The following HIRA variants were observed in gnomAD, a reference collection of about 807,000 sequenced individuals.
The protein encoded by HIRA is protein HIRA.
In HIRA, 13 loss-of-function variants were observed where a neutral mutation model predicts 126.6. The ratio of observed to expected loss-of-function variants is 0.10; its 90% CI spans 0.07 to 0.16. The LOEUF is 0.16. Among genes scored for constraint, HIRA ranks in the 10% least tolerant of loss-of-function variants. The pLI, the probability that HIRA is intolerant of heterozygous loss-of-function variation, is 1.00. For synonymous variants in HIRA, 511 were observed against 520.0 expected (o/e 0.98, Z 0.24); for missense variants, 834 against 1,314.4 (o/e 0.63, Z 5.65).
intron 1 of HIRA, among the ~76,000 whole-genome samples, chr22:19,420,493 C>CA (rs2089437553): frequency 7.6e-6 from 1 of 130,970 alleles, no homozygotes; most frequent in African/African-American, 3.1e-5. Flanking sequence ...CAAACCAAAA[C>CA]AAAAAACAAA....
At chr22:19,371,138 T>C (rs1007494838) in intron 15 of HIRA, among the ~76,000 whole-genome samples, 6 of 152,222 alleles carry the variant, frequency 3.9e-5, no homozygotes, top group African/African-American at 4.8e-5. Flanking sequence ...GAATTCATTT[T>C]ATTTATTTTG....
intron 5 of HIRA, among the ~76,000 whole-genome samples, chr22:19,403,107 AAAAAAAAAAAAG>A (rs1169575310): frequency 6.6e-6 from 1 of 151,694 alleles, no homozygotes; most frequent in Non-Finnish European, 1.5e-5. Flanking sequence ...GTCTCAAAAA[AAAAAAAAAAAAG>A]AAAAAGAAAA....
intron 12 of HIRA, among the ~76,000 whole-genome samples, chr22:19,384,357 C>A (rs193221055): frequency 6.7e-6 from 1 of 148,936 alleles, no homozygotes; most frequent in Non-Finnish European, 1.5e-5. Context: ...AGATATCATG[C>A]GGTATTTGTC....
chr22:19,384,102 A>G (rs5748169), intron 12 of HIRA, among the ~76,000 whole-genome samples: 23,807 of 151,882 alleles, frequency 0.16, 3,949 homozygotes, highest in African/African-American at 0.42. Flanking sequence ...GACAGATCAC[A>G]AGGTCAGGAG....
chr22:19,400,376 T>G (rs143130205), intron 5 of HIRA, among the ~76,000 whole-genome samples: 1 of 152,224 alleles, frequency 6.6e-6, no homozygotes, highest in Admixed American at 6.5e-5. Context: ...CTATGCTCCA[T>G]GTGAGGAAGA....
intron 24 of HIRA, among the ~76,000 whole-genome samples, chr22:19,335,836 A>C (rs1302470119): frequency 2.0e-5 from 3 of 152,154 alleles, no homozygotes; most frequent in Non-Finnish European, 4.4e-5. Context: ...GCTCCATATA[A>C]ATTGTTGAAT....
intron 13 of HIRA, among the ~76,000 whole-genome samples, chr22:19,382,865 G>C (rs1033301670): frequency 6.6e-6 from 1 of 150,774 alleles, no homozygotes; most frequent in African/African-American, 2.4e-5. Context: ...ACAACAGCAA[G>C]TGGTGAATGA....
rs781878303 is a variant in HIRA, at chr22:19,353,533, G to C, written c.2685-14C>G. On this transcript the variant is annotated splice_polypyrimidine_tract_variant and intron_variant, in intron 22 of 24. Coordinates refer to ENST00000263208, the MANE Select transcript of HIRA (RefSeq NM_003325.4). ...TGCCTTCCCGAGCTGCAGAGACCAG[G>C]AGAGTTTCCATGATGGGGCAGCAGG... 1.9e-6 allele frequency: 3 copies of C among 1,589,326 alleles called. No homozygotes were observed. The highest frequency in any genetic ancestry group is 2.6e-6 in the Non-Finnish European group (3 of 1,168,596).
chr22:19,340,095 T>C (rs1240286882), intron 24 of HIRA, among the ~76,000 whole-genome samples: 2 of 152,140 alleles, frequency 1.3e-5, no homozygotes, highest in Non-Finnish European at 2.9e-5. Flanking sequence ...CCAATATCCC[T>C]GGTGAACATA....
chr22:19,384,176 G>A (rs1396153005), intron 12 of HIRA, among the ~76,000 whole-genome samples: 2 of 151,884 alleles, frequency 1.3e-5, no homozygotes, highest in East Asian at 3.9e-4. Flanking sequence ...AAATTAGCTG[G>A]GCGTGGTGGT....
intron 20 of HIRA, 37 bp downstream of exon 20, chr22:19,356,193 C>T: frequency 6.3e-7 from 1 of 1,591,688 alleles, no homozygotes. Context: ...GAACTTGGGC[C>T]CCCAAAAGAG....
At chr22:19,416,856 C>T (rs139218016) in intron 1 of HIRA, among the ~76,000 whole-genome samples, 78 of 152,246 alleles carry the variant, frequency 5.1e-4, no homozygotes, top group African/African-American at 1.8e-3. Flanking sequence ...AACTCAACAA[C>T]GTGACTCAAA....
At chr22:19,385,020 G>A (rs1017725307) in intron 12 of HIRA, among the ~76,000 whole-genome samples, 4 of 152,132 alleles carry the variant, frequency 2.6e-5, no homozygotes, top group African/African-American at 7.2e-5. Context: ...CTTGTAACTA[G>A]GGGTTTTCTC....
chr22:19,391,513 G>A (rs1000282715), intron 9 of HIRA, among the ~76,000 whole-genome samples: 1 of 144,054 alleles, frequency 6.9e-6, no homozygotes, highest in East Asian at 2.0e-4. Context: ...ACGGAGTCTC[G>A]CTCTGTTGCC....
intron 15 of HIRA, 87 bp from the exon 16 acceptor site, chr22:19,362,018 A>T: frequency 7.9e-7 from 1 of 1,258,840 alleles, no homozygotes; most frequent in Non-Finnish European, 1.1e-6. Flanking sequence ...GCTTAAACAA[A>T]CCTCTTGCCA....
chr22:19,396,129 G>A (rs1221764985), intron 7 of HIRA, among the ~76,000 whole-genome samples: 1 of 152,122 alleles, frequency 6.6e-6, no homozygotes, highest in East Asian at 1.9e-4. Context: ...AGTAAACTCC[G>A]CACTATAAGA....
Position 19,331,268 on chromosome 22 carries a change from G to A in HIRA, c.*172C>T, listed in dbSNP as rs1556004486. 6.5e-7 allele frequency: 1 copy of A among 1,541,892 alleles called. No homozygotes were observed. On this transcript the variant is annotated 3_prime_UTR_variant, in exon 25 of 25. Transcript: ENST00000263208. ...CCCTCCTGAGGCAATGTCAGACCCAGGACACAGGGCACATCTGCCCAGGGA... is the reference window on the plus strand; with the variant it reads ...CCCTCCTGAGGCAATGTCAGACCCAAGACACAGGGCACATCTGCCCAGGGA...
intron 10 of HIRA, 87 bp downstream of exon 10, chr22:19,388,397 T>G (rs985223086): frequency 6.7e-6 from 7 of 1,038,182 alleles, no homozygotes; most frequent in Non-Finnish European, 1.0e-5. Flanking sequence ...ACTGGCCACC[T>G]GACCCTAGTC....
chr22:19,392,883 G>C (rs1397866872), intron 8 of HIRA, among the ~76,000 whole-genome samples: 4 of 152,160 alleles, frequency 2.6e-5, no homozygotes, highest in African/African-American at 9.7e-5. Context: ...TGAGCTCCCA[G>C]ACACCCTCCT....
Sources: allele counts gnomAD v4.1 joint callset (sites outside exome capture counted in the v4.1 genomes callset), GRCh38; gene constraint gnomAD v4.1.1; transcripts MANE v1.5; gene names NCBI Gene and HGNC (gene_info 2026-07-23, HGNC 2026-07-21).